The following HDAC9 variants were observed in gnomAD, a reference collection of about 807,000 sequenced individuals.
The protein encoded by HDAC9 is histone deacetylase 9, also known as MEF-2 interacting transcription repressor (MITR) protein.
A neutral mutation model predicts 139.4 loss-of-function variants in HDAC9; 41 were observed. The ratio of observed to expected loss-of-function variants is 0.29; its 90% CI spans 0.23 to 0.38. HDAC9 has a LOEUF of 0.38. Among genes scored for constraint, HDAC9 ranks in the 10% least tolerant of loss-of-function variants. The pLI, the probability that HDAC9 is intolerant of heterozygous loss-of-function variation, is 1.00. For synonymous variants in HDAC9, 517 were observed against 476.2 expected (o/e 1.09, Z -1.12); for missense variants, 1,147 against 1,297.0 (o/e 0.88, Z 1.78).
chr7:18,341,220 G>A (rs1198322115), intron 1 of HDAC9, among the ~76,000 whole-genome samples: 1 of 151,348 alleles, frequency 6.6e-6, no homozygotes, highest in Non-Finnish European at 1.5e-5. Context: ...TGTTTTGTGT[G>A]TGTGTGTGTG....
chr7:18,706,597 C>T (rs1053209216), intron 12 of HDAC9, among the ~76,000 whole-genome samples: 3 of 152,166 alleles, frequency 2.0e-5, no homozygotes, highest in Admixed American at 6.5e-5. Flanking sequence ...CACAGTTGAG[C>T]GCAGTAGTTC....
intron 1 of HDAC9, among the ~76,000 whole-genome samples, chr7:18,132,276 G>A (rs1785062110): frequency 1.3e-5 from 2 of 151,992 alleles, no homozygotes; most frequent in South Asian, 4.1e-4. Context: ...GAAGTCAAAT[G>A]GAACTACATT....
At chr7:18,174,432 CT>C (rs1245250904) in intron 2 of HDAC9, among the ~76,000 whole-genome samples, 1 of 152,154 alleles carries the variant, frequency 6.6e-6, no homozygotes, top group African/African-American at 2.4e-5. Flanking sequence ...TATTACTGAC[CT>C]TCTGAAGCCT....
chr7:18,562,112 T>C (rs1293953996), intron 2 of HDAC9, among the ~76,000 whole-genome samples: 1 of 152,212 alleles, frequency 6.6e-6, no homozygotes, highest in Non-Finnish European at 1.5e-5. Context: ...CAAGGACTTA[T>C]TGGCTATTTG....
chr7:18,492,801 C>G (rs1248842155), upstream of HDAC9, among the ~76,000 whole-genome samples: 2 of 151,926 alleles, frequency 1.3e-5, no homozygotes, highest in African/African-American at 4.8e-5. Context: ...AGAATTAACT[C>G]AACATTCTTA....
intron 2 of HDAC9, among the ~76,000 whole-genome samples, chr7:18,224,033 T>C (rs1217660506): frequency 1.3e-5 from 2 of 152,232 alleles, no homozygotes; most frequent in African/African-American, 2.4e-5. Flanking sequence ...ATTAACTTTT[T>C]TAGTAAAGCT....
intron 1 of HDAC9, among the ~76,000 whole-genome samples, chr7:18,148,349 C>G (rs541421471): frequency 2.0e-5 from 3 of 152,304 alleles, no homozygotes; most frequent in African/African-American, 7.2e-5. Flanking sequence ...TGGTCTCTCT[C>G]CTGCATCTTC....
chr7:18,969,150 A>G (rs891164058), intron 24 of HDAC9, among the ~76,000 whole-genome samples: 1 of 152,172 alleles, frequency 6.6e-6, no homozygotes, highest in South Asian at 2.1e-4. Context: ...CTTTACATAT[A>G]TAAGGTGAAA....
chr7:18,933,640 A>T (rs1781416833), intron 22 of HDAC9, among the ~76,000 whole-genome samples: 3 of 41,856 alleles, frequency 7.2e-5, no homozygotes, highest in Admixed American at 4.3e-4. Flanking sequence ...TAAATTAATA[A>T]AAGTTTTTAA....
intron 2 of HDAC9, among the ~76,000 whole-genome samples, chr7:18,518,496 G>T (rs899447473): frequency 6.6e-6 from 1 of 152,118 alleles, no homozygotes; most frequent in African/African-American, 2.4e-5. Context: ...GATTATTTGG[G>T]TCTTCAGCCC....
At chr7:18,443,562 T>C (rs905508365) in intron 1 of HDAC9, among the ~76,000 whole-genome samples, 3 of 152,208 alleles carry the variant, frequency 2.0e-5, no homozygotes, top group Non-Finnish European at 4.4e-5. Flanking sequence ...AAACATGTTA[T>C]GCTCTTATAA....
intron 17 of HDAC9, among the ~76,000 whole-genome samples, chr7:18,800,686 A>T (rs915474423): frequency 6.6e-6 from 1 of 152,098 alleles, no homozygotes; most frequent in Non-Finnish European, 1.5e-5. Context: ...TACAAAAATT[A>T]GCCAGGTGGG....
At position 18,378,670 on chromosome 7, in the gene HDAC9, T is replaced by G. The variant is rs375050270; in HGVS notation, c.-42+88155T>G. On this transcript the variant is annotated intron_variant, in intron 1 of 3. Coordinates refer to the HDAC9 transcript ENST00000413509. ...CTGTAGATATATATTTATGCACATA[T>G]GTTTATATGCATATAAATATGTTTA... 2.6e-5 allele frequency among the ~76,000 whole-genome samples: 4 copies of G among 152,278 alleles called. No homozygotes were observed. In the South Asian group the frequency reaches 8.3e-4, roughly 32 times the overall value.
intron 1 of HDAC9, among the ~76,000 whole-genome samples, chr7:18,336,456 A>G (rs1370399758): frequency 6.6e-6 from 1 of 151,668 alleles, no homozygotes; most frequent in Non-Finnish European, 1.5e-5. Context: ...GTTGATTTAT[A>G]CTGTCCTCTC....
At chr7:18,171,864 A>C (rs1401742266) in intron 2 of HDAC9, among the ~76,000 whole-genome samples, 1 of 152,032 alleles carries the variant, frequency 6.6e-6, no homozygotes, top group Non-Finnish European at 1.5e-5. Context: ...TTTGTTGAGG[A>C]CTTTTGCATC....
intron 1 of HDAC9, among the ~76,000 whole-genome samples, chr7:18,353,948 G>C (rs1487060055): frequency 6.6e-6 from 1 of 152,084 alleles, no homozygotes; most frequent in Non-Finnish European, 1.5e-5. Context: ...AGTGTGACCT[G>C]TTTCACCTTC....
intron 22 of HDAC9, among the ~76,000 whole-genome samples, chr7:18,904,762 A>G (rs1007050165): frequency 4.0e-5 from 6 of 151,526 alleles, no homozygotes; most frequent in African/African-American, 1.5e-4. Context: ...TTTTTAGTAG[A>G]GACGAGGTTT....
rs1182807502 is a variant in HDAC9, at chr7:18,496,283, A to G, written c.-20A>G. 3.1e-6 allele frequency: 5 copies of G among 1,613,230 alleles called. No homozygotes were observed. The highest frequency in any genetic ancestry group is 4.2e-6 in the Non-Finnish European group (5 of 1,179,456). On this transcript the variant is annotated 5_prime_UTR_variant, in exon 2 of 26. Coordinates refer to ENST00000686413, the MANE Select transcript of HDAC9 (RefSeq NM_178425.4). ...TCAGATGGGGTGGCTGGACGAGAGC[A>G]GCTCTTGGCTCAGCAAAGAATGCAC... is the stretch of plus-strand genomic sequence containing the variant.
At chr7:18,164,960 A>C (rs895444732) in intron 2 of HDAC9, among the ~76,000 whole-genome samples, 2 of 152,222 alleles carry the variant, frequency 1.3e-5, no homozygotes, top group African/African-American at 4.8e-5. Flanking sequence ...CAATAGGGAC[A>C]CAACAAGCAC....
Sources: gnomAD v4.1 joint callset for allele counts (sites outside exome capture counted in the v4.1 genomes callset) on GRCh38, gnomAD v4.1.1 for gene constraint, MANE v1.5 for transcripts, NCBI Gene and HGNC (gene_info 2026-07-23, HGNC 2026-07-21) for gene names.